The following EHMT1 variants were observed in gnomAD, a reference collection of about 807,000 sequenced individuals.
The protein encoded by EHMT1 is histone-lysine N-methyltransferase EHMT1.
EHMT1 carries 15 observed loss-of-function variants against 147.2 expected under a neutral mutation model. The observed-to-expected ratio is 0.10, with a 90% CI of 0.07 to 0.16. The LOEUF (loss-of-function observed/expected upper bound fraction) is 0.16, where lower values mean the gene tolerates loss of function less well. Among genes scored for constraint, EHMT1 ranks in the 10% least tolerant of loss-of-function variants. The pLI is 1.00. For missense variants in EHMT1, 1,587 were observed against 1,772.4 expected, an observed-to-expected ratio of 0.90 and a Z score of 1.88; for synonymous variants, 795 against 709.6, an observed-to-expected ratio of 1.12 and a Z score of -1.91.
rs1234389695 is a variant in EHMT1 at position 137,732,382 on chromosome 9, A to G, written c.823+3853A>G. Among the ~76,000 whole-genome samples the G allele has an allele frequency of 6.6e-6, 1 of 152,236 alleles. No individual in the cohort carries two copies. The highest frequency in any genetic ancestry group is 1.9e-4 in the East Asian group (1 of 5,202). ...GGTCCCGAGTTCTTGTCTTGGGTCC[A>G]GGAAGAATGAGGTTACATGGACAAC... On this transcript the variant is annotated intron_variant, in intron 4 of 26. Transcript: ENST00000460843. This position sits in a 1 kb window ranked among gnomAD's most constrained non-coding sequence, Gnocchi z 4.6.
intron 10 of EHMT1, among the ~76,000 whole-genome samples, chr9:137,773,418 A>G (rs567695760): frequency 1.1e-4 from 16 of 151,888 alleles, no homozygotes; most frequent in African/African-American, 3.4e-4. Context: ...TGTCTTTTAA[A>G]AAAGTTGCCT....
In EHMT1 at chr9:137,732,971, A is replaced by AAGAAGAGCAGAGTCAC. The variant is rs1244436131; in HGVS notation, c.823+4444_823+4459dup. ...CCCCTTAAGTTTACCACAGGCAGGA[A>AAGAAGAGCAGAGTCAC]AGAAGAGCAGAGTCACATGTTGGTT... On this transcript the variant is annotated intron_variant, in intron 4 of 26. Coordinates refer to ENST00000460843, the MANE Select transcript of EHMT1 (RefSeq NM_024757.5). This position sits in a 1 kb window ranked among gnomAD's most constrained non-coding sequence, Gnocchi z 4.6. 6.6e-6 allele frequency among the ~76,000 whole-genome samples: 1 copy of AAGAAGAGCAGAGTCAC among 152,230 alleles called. No homozygotes were observed. The highest frequency in any genetic ancestry group is 1.5e-5 in the Non-Finnish European group (1 of 68,042).
intron 16 of EHMT1, 105 bp from the exon 17 acceptor site, chr9:137,798,708 C>A: frequency 1.1e-6 from 1 of 928,310 alleles, no homozygotes. Flanking sequence ...AGGACAGTAC[C>A]CCACCCGCAT....
At chr9:137,723,621 G>A (rs1946308370) in intron 3 of EHMT1, among the ~76,000 whole-genome samples, 2 of 152,082 alleles carry the variant, frequency 1.3e-5, no homozygotes, top group Middle Eastern at 3.4e-3. Flanking sequence ...TGGGCCTGTG[G>A]CCCGGGGTGT....
intron 1 of EHMT1, among the ~76,000 whole-genome samples, chr9:137,669,309 C>A (rs1036291455): frequency 2.0e-5 from 1 of 50,476 alleles, no homozygotes; most frequent in East Asian, 7.2e-4. Flanking sequence ...GACTGAGGAC[C>A]CCTGGAAAGA....
chr9:137,716,529 G>T, intron 2 of EHMT1, 97 bp from the exon 3 acceptor site: 1 of 1,075,690 alleles, frequency 9.3e-7, no homozygotes, highest in Non-Finnish European at 1.3e-6. Flanking sequence ...GGGGGAGGAA[G>T]TTGTGGTGGT....
At chr9:137,721,428 G>A (rs546573221) in intron 3 of EHMT1, among the ~76,000 whole-genome samples, 1 of 12,562 alleles carries the variant, frequency 8.0e-5, no homozygotes, top group Non-Finnish European at 1.3e-4. Context: ...CCTCTCCCAC[G>A]CCTCTCACCC....
At chr9:137,696,090 TG>T (rs1275384510) in intron 1 of EHMT1, among the ~76,000 whole-genome samples, 2 of 5,400 alleles carry the variant, frequency 3.7e-4, no homozygotes, top group African/African-American at 4.5e-3. Flanking sequence ...GGATATTAAT[TG>T]TTTTTTTCCA....
chr9:137,701,451 TTTTTA>T (rs991159095), intron 1 of EHMT1, among the ~76,000 whole-genome samples: 3 of 151,092 alleles, frequency 2.0e-5, no homozygotes, highest in African/African-American at 4.9e-5. Context: ...ACCTGGCTAA[TTTTTA>T]TTTTATTTTA....
rs1349814183 is a variant in EHMT1 at position 137,619,063 on chromosome 9, C to T, written c.21+14C>T. On this transcript the variant is annotated intron_variant, in intron 1 of 26. Transcript: ENST00000460843. The stretch of plus-strand genomic sequence containing the variant: ...GCCGATGCCGAGGTGAGCAGCGGGG[C>T]CGGCGGGGGGCGGCGCGGGGGCGGC... 1.1e-5 allele frequency: 10 copies of T among 906,034 alleles called. No individual in the cohort carries two copies. Among genetic ancestry groups the T allele is most frequent in the Admixed American group, 6.4e-5 (1 of 15,584 alleles). 56.1% of individuals were successfully genotyped at this position (906,034 alleles called of 1,614,324 possible).
intron 1 of EHMT1, among the ~76,000 whole-genome samples, chr9:137,627,014 G>A (rs1344627672): frequency 6.6e-6 from 1 of 152,074 alleles, no homozygotes; most frequent in Non-Finnish European, 1.5e-5. Context: ...CTGGAGTGCA[G>A]TGGCCCCATC....
chr9:137,711,092 G>A, intron 2 of EHMT1, 62 bp downstream of exon 2: 2 of 1,506,976 alleles, frequency 1.3e-6, no homozygotes, highest in Admixed American at 2.0e-5. Flanking sequence ...AAAACCTGCT[G>A]CTCTTCCTCT....
chr9:137,735,709 A>G lies in EHMT1; in HGVS notation c.823+7180A>G, dbSNP rs190964632. Among the ~76,000 whole-genome samples the G allele has an allele frequency of 5.2e-4, 79 of 152,288 alleles. 1 individual carries two copies. The highest frequency in any genetic ancestry group is 1.8e-3 in the African/African-American group (74 of 41,554). ...GGGGCCTAGCTTGAGGTGATTGGTCATGTGTGTGGATTCCTCATGAATAGA... is the reference window on the plus strand; with the variant it reads ...GGGGCCTAGCTTGAGGTGATTGGTCGTGTGTGTGGATTCCTCATGAATAGA... On this transcript the variant is annotated intron_variant, in intron 4 of 26. Coordinates refer to ENST00000460843, the MANE Select transcript of EHMT1 (RefSeq NM_024757.5).
intron 1 of EHMT1, among the ~76,000 whole-genome samples, chr9:137,695,049 C>T (rs1304134815): frequency 6.6e-6 from 1 of 152,180 alleles, no homozygotes; most frequent in African/African-American, 2.4e-5. Flanking sequence ...TGGTTTTGGA[C>T]CTGAAAGACT....
At chr9:137,691,493 A>T (rs1271549937) in intron 1 of EHMT1, among the ~76,000 whole-genome samples, 2 of 152,102 alleles carry the variant, frequency 1.3e-5, no homozygotes, top group East Asian at 3.9e-4. Context: ...GTTCTGTTGT[A>T]TGAATGGACT....
Position 137,835,246 on chromosome 9 carries a change from T to C in EHMT1, c.*293T>C, listed in dbSNP as rs1438132926. The C allele has an allele frequency of 3.1e-6, 1 of 321,900 alleles. No homozygotes were observed. 19.9% of individuals were successfully genotyped at this position (321,900 alleles called of 1,614,324 possible). Reference sequence around the variant, plus strand: ...GCACTGGCATCACCTTCTGAGTTTCTGATGCTGATTTGTCGTTGCGAAGTT... The same window carrying C: ...GCACTGGCATCACCTTCTGAGTTTCCGATGCTGATTTGTCGTTGCGAAGTT... On this transcript the variant is annotated 3_prime_UTR_variant, in exon 27 of 27. Transcript: ENST00000460843.
At chr9:137,704,632 G>T (rs1000762487) in intron 1 of EHMT1, among the ~76,000 whole-genome samples, 21 of 152,100 alleles carry the variant, frequency 1.4e-4, no homozygotes, top group African/African-American at 4.8e-4. Flanking sequence ...TTGCTGCTTG[G>T]TATCCTCTCT....
At chr9:137,635,606 G>A (rs1054433592) in intron 1 of EHMT1, among the ~76,000 whole-genome samples, 1 of 151,608 alleles carries the variant, frequency 6.6e-6, no homozygotes, top group African/African-American at 2.4e-5. Context: ...GGATCACGAG[G>A]TCAGGAGATC....
intron 18 of EHMT1, among the ~76,000 whole-genome samples, chr9:137,809,006 A>T (rs1172625051): frequency 6.6e-6 from 1 of 152,236 alleles, no homozygotes; most frequent in Non-Finnish European, 1.5e-5. Context: ...CCCCTAAGCA[A>T]GCAGCCTTTT....
Sources: gnomAD v4.1 joint callset for allele counts (sites outside exome capture counted in the v4.1 genomes callset) on GRCh38, gnomAD v4.1.1 for gene constraint, Gnocchi (gnomAD v3.1) non-coding constraint, MANE v1.5 for transcripts, NCBI Gene and HGNC (gene_info 2026-07-23, HGNC 2026-07-21) for gene names.